MRTFB: variants seen among roughly 807,000 people sequenced by gnomAD.
MRTFB encodes myocardin-related transcription factor B.
A neutral mutation model predicts 104.2 loss-of-function variants in MRTFB; 29 were observed. The observed-to-expected ratio is 0.28, with a 90% CI of 0.21 to 0.38. The LOEUF (loss-of-function observed/expected upper bound fraction) is 0.38. MRTFB is among the 10% of genes least tolerant of loss of function. The pLI is 1.00. For synonymous variants in MRTFB, 535 were observed against 519.5 expected (o/e 1.03, Z -0.41); for missense variants, 1,270 against 1,341.6 (o/e 0.95, Z 0.83).
intron 3 of MRTFB, chr16:14,195,408 C>G: frequency 5.6e-6 from 3 of 539,394 alleles, no homozygotes; most frequent in Non-Finnish European, 7.1e-6. Flanking sequence ...TTGCTAGGCA[C>G]ATTGCACATG....
intron 10 of MRTFB, 78 bp downstream of exon 10, chr16:14,240,562 G>A: frequency 3.1e-6 from 5 of 1,602,068 alleles, no homozygotes; most frequent in Non-Finnish European, 4.3e-6. Flanking sequence ...ACCAAAAGTT[G>A]AATGTTGTCA....
rs766921286 is a variant in MRTFB, at chr16:14,248,913, A to G, written c.2248-13A>G. 6.2e-7 allele frequency: 1 copy of G among 1,606,178 alleles called. No homozygotes were observed. ...GACAATTAAATTGATGTTTTTTTCA[A>G]TTCACCTCCTAGACTTCACCACAAG... On this transcript the variant is annotated splice_polypyrimidine_tract_variant and intron_variant, in intron 12 of 16. Coordinates refer to ENST00000571589, the MANE Select transcript of MRTFB (RefSeq NM_001308142.2).
chr16:14,121,572 C>A (rs2036846067), intron 2 of MRTFB, among the ~76,000 whole-genome samples: 1 of 152,094 alleles, frequency 6.6e-6, no homozygotes, highest in Non-Finnish European at 1.5e-5. Flanking sequence ...TATGCAAACT[C>A]TAGTGCTTCT....
At chr16:14,109,829 T>A (rs1048639114) in intron 2 of MRTFB, among the ~76,000 whole-genome samples, 6 of 152,218 alleles carry the variant, frequency 3.9e-5, no homozygotes, top group African/African-American at 1.4e-4. Context: ...ATAGAGTACT[T>A]CTTGTTGTCA....
chr16:14,145,375 G>C (rs1408025695), intron 3 of MRTFB, among the ~76,000 whole-genome samples: 2 of 151,844 alleles, frequency 1.3e-5, no homozygotes, highest in Non-Finnish European at 2.9e-5. Flanking sequence ...TTTCAGTTTG[G>C]GATTAGTGTC....
chr16:13,996,303 A>G, the MRTFB span, among the ~76,000 whole-genome samples: 3 of 151,564 alleles, frequency 2.0e-5, no homozygotes, highest in Non-Finnish European at 4.4e-5. Context: ...GAAAAAAAAA[A>G]AGAAGGTAAC....
Position 14,240,458 on chromosome 16 carries a change from C to T in MRTFB, c.1053C>T (p.Tyr351=), listed in dbSNP as rs1403675558. The change falls in exon 10 of 17, where the codon TAC becomes TAT. Residue 351 remains tyrosine, a synonymous_variant. Transcript: ENST00000571589. ...ILSQQKQHYN[Y]QTILPAPFKP... is the part of the protein sequence containing the mutation. Reference sequence around the variant, plus strand: ...GTCAGCAGAAGCAGCACTACAACTACCAGACCATCCTGCCTGCACCATTCA... The same window carrying T: ...GTCAGCAGAAGCAGCACTACAACTATCAGACCATCCTGCCTGCACCATTCA... The T allele has an allele frequency of 9.3e-6, 15 of 1,614,224 alleles. No individual in the cohort carries two copies. Among genetic ancestry groups the T allele is most frequent in the African/African-American group, 1.3e-5 (1 of 75,060 alleles).
intron 3 of MRTFB, chr16:14,186,926 C>A: frequency 6.3e-7 from 1 of 1,598,220 alleles, no homozygotes; most frequent in Non-Finnish European, 8.5e-7. Context: ...TGATCGATAG[C>A]TCCAAGAAGC....
chr16:14,135,646 A>C (rs189606880), intron 2 of MRTFB, among the ~76,000 whole-genome samples: 41 of 152,242 alleles, frequency 2.7e-4, no homozygotes, highest in Admixed American at 2.2e-3. Flanking sequence ...CTGCATTTCC[A>C]CTGTCTTCAT....
chr16:14,216,814 A>G (rs1341772534), intron 6 of MRTFB, among the ~76,000 whole-genome samples: 1 of 152,172 alleles, frequency 6.6e-6, no homozygotes, highest in Non-Finnish European at 1.5e-5. Context: ...TGTATCCCCA[A>G]TACCTAGTAA....
At chr16:14,211,986 C>G (rs188518900) in intron 4 of MRTFB, among the ~76,000 whole-genome samples, 1 of 152,044 alleles carries the variant, frequency 6.6e-6, no homozygotes, top group Admixed American at 6.6e-5. Flanking sequence ...TACATCACTC[C>G]CAAGGACATA....
At chr16:14,077,432 A>G (rs2034129404) in intron 1 of MRTFB, among the ~76,000 whole-genome samples, 3 of 151,498 alleles carry the variant, frequency 2.0e-5, no homozygotes, top group Admixed American at 6.6e-5. Flanking sequence ...ATTCTATGAC[A>G]TTAGTCTTTC....
intron 2 of MRTFB, among the ~76,000 whole-genome samples, chr16:14,097,808 G>C (rs1363819558): frequency 6.6e-6 from 1 of 152,128 alleles, no homozygotes; most frequent in Admixed American, 6.5e-5. Context: ...TTGTTCGAGG[G>C]TTTTGTATAA....
intron 3 of MRTFB, among the ~76,000 whole-genome samples, chr16:14,210,019 T>C (rs1294987062): frequency 6.6e-6 from 1 of 152,206 alleles, no homozygotes; most frequent in Non-Finnish European, 1.5e-5. Flanking sequence ...CAAAATAGGA[T>C]AAACCAAAAA....
chr16:14,008,448 AT>A, the MRTFB span, among the ~76,000 whole-genome samples: 2 of 152,346 alleles, frequency 1.3e-5, no homozygotes, highest in South Asian at 4.1e-4. Flanking sequence ...CTACCACCAT[AT>A]TTAAAACAGA....
At chr16:14,050,100 T>C in the MRTFB span, among the ~76,000 whole-genome samples, 1 of 152,194 alleles carries the variant, frequency 6.6e-6, no homozygotes, top group African/African-American at 2.4e-5. Context: ...GTGTACATGT[T>C]GTATGCATAT....
chr16:14,258,319 A>G (rs1317410804), intron 16 of MRTFB, among the ~76,000 whole-genome samples, 158 bp downstream of exon 16: 1 of 152,182 alleles, frequency 6.6e-6, no homozygotes, highest in African/African-American at 2.4e-5. Context: ...TTAGGCCATT[A>G]AAAGAACTTA....
At chr16:14,046,892 A>G in the MRTFB span, among the ~76,000 whole-genome samples, 1 of 152,240 alleles carries the variant, frequency 6.6e-6, no homozygotes, top group African/African-American at 2.4e-5. Context: ...TAAGTGCTAT[A>G]TATAATACAT....
chr16:14,113,169 A>G (rs924039476), intron 2 of MRTFB, among the ~76,000 whole-genome samples: 2 of 152,048 alleles, frequency 1.3e-5, no homozygotes, highest in African/African-American at 4.8e-5. Flanking sequence ...TCAACCTCCC[A>G]AGTAGCTGGG....
Sources: gnomAD v4.1 joint callset for allele counts (sites outside exome capture counted in the v4.1 genomes callset) on GRCh38, gnomAD v4.1.1 for gene constraint, MANE v1.5 for transcripts, NCBI Gene and HGNC (gene_info 2026-07-23, HGNC 2026-07-21) for gene names.